Variants in CTNNA3 observed in about 807,000 individuals in gnomAD.
CTNNA3 encodes the protein catenin alpha-3.
CTNNA3 carries 76 observed loss-of-function variants against 95.7 expected under a neutral mutation model. The observed-to-expected ratio is 0.79, with a 90% CI of 0.66 to 0.96. CTNNA3 has a LOEUF of 0.96. Ranked by LOEUF, CTNNA3 falls within the 40% of genes least tolerant of loss-of-function variation. CTNNA3 has a pLI of 0.00. For missense variants in CTNNA3, 1,191 were observed against 1,089.8 expected (o/e 1.09, Z -1.31); for synonymous variants, 431 against 374.4 (o/e 1.15, Z -1.74).
chr10:67,536,471 CAG>C (rs1423781333), intron 4 of CTNNA3, among the ~76,000 whole-genome samples: 1 of 151,980 alleles, frequency 6.6e-6, no homozygotes, highest in East Asian at 1.9e-4. Context: ...TGCATATTAT[CAG>C]AGAGTCTTTC....
intron 17 of CTNNA3, among the ~76,000 whole-genome samples, chr10:65,932,221 G>A (rs1171877886): frequency 2.6e-5 from 4 of 152,166 alleles, no homozygotes; most frequent in Admixed American, 2.0e-4. Flanking sequence ...GTTGTCAGAA[G>A]GACAGAACGT....
intron 11 of CTNNA3, among the ~76,000 whole-genome samples, chr10:66,434,528 C>T (rs7478398): frequency 0.26 from 40,224 of 151,968 alleles, 5,476 homozygotes; most frequent in South Asian, 0.39. Context: ...TGCTTATCAG[C>T]CTAAGGAGAT....
chr10:67,396,421 T>C (rs1564623332), intron 5 of CTNNA3, among the ~76,000 whole-genome samples: 1 of 152,164 alleles, frequency 6.6e-6, no homozygotes, highest in Non-Finnish European at 1.5e-5. Context: ...ATTCCAGCTA[T>C]GTAATTTGAT....
intron 13 of CTNNA3, among the ~76,000 whole-genome samples, chr10:66,263,121 A>G (rs1413262356): frequency 3.3e-5 from 5 of 152,052 alleles, no homozygotes; most frequent in African/African-American, 1.2e-4. Flanking sequence ...CTGTCTTTAC[A>G]TTAGAGAAAG....
At chr10:67,143,443 A>AAAAAAAAAAAAAAAAAAAAAAAAAAC in intron 7 of CTNNA3, among the ~76,000 whole-genome samples, 1 of 150,848 alleles carries the variant, frequency 6.6e-6, no homozygotes, top group Non-Finnish European at 1.5e-5. Context: ...AAAAAAAAAA[A>AAAAAAAAAAAAAAAAAAAAAAAAAAC]AAAATTATCT....
At chr10:67,117,375 T>A (rs1037411844) in intron 7 of CTNNA3, among the ~76,000 whole-genome samples, 2 of 152,054 alleles carry the variant, frequency 1.3e-5, no homozygotes, top group South Asian at 4.1e-4. Context: ...ACATTCCATC[T>A]CCTTTCCCTT....
intron 7 of CTNNA3, among the ~76,000 whole-genome samples, chr10:66,973,379 A>G (rs1452467891): frequency 6.6e-6 from 1 of 152,202 alleles, no homozygotes; most frequent in South Asian, 2.1e-4. Context: ...TGAATTCTCA[A>G]TAATTTGTAT....
At chr10:66,908,385 CA>C (rs1339016056) in intron 7 of CTNNA3, among the ~76,000 whole-genome samples, 3 of 152,144 alleles carry the variant, frequency 2.0e-5, no homozygotes, top group Admixed American at 6.5e-5. Flanking sequence ...TTCTTTCAGT[CA>C]AGTTAGGGTA....
At chr10:67,054,634 T>G (rs1855313302) in intron 7 of CTNNA3, 1 of 152,176 alleles carries the variant, frequency 6.6e-6, no homozygotes, top group Non-Finnish European at 1.5e-5. Context: ...TGATGCAGTA[T>G]TTCCAATGGC....
chr10:67,555,550 CTGTT>C (rs1440881360), intron 3 of CTNNA3, among the ~76,000 whole-genome samples: 3 of 152,122 alleles, frequency 2.0e-5, no homozygotes, highest in Non-Finnish European at 4.4e-5. Context: ...ATTTAGCTCT[CTGTT>C]TGTCTGTTAT....
chr10:67,747,623 T>G (rs965649169), intron 1 of CTNNA3, among the ~76,000 whole-genome samples: 1 of 152,020 alleles, frequency 6.6e-6, no homozygotes, highest in Non-Finnish European at 1.5e-5. Flanking sequence ...GCCTCAAAGA[T>G]CGAAACTAGA....
chr10:67,476,919 C>G (rs1453191741), intron 5 of CTNNA3, among the ~76,000 whole-genome samples: 1 of 151,782 alleles, frequency 6.6e-6, no homozygotes, highest in Non-Finnish European at 1.5e-5. Context: ...TTCAGAGTAC[C>G]TGCTCACCTA....
At chr10:66,091,107 T>C (rs1057404889) in intron 14 of CTNNA3, among the ~76,000 whole-genome samples, 1 of 151,924 alleles carries the variant, frequency 6.6e-6, no homozygotes, top group African/African-American at 2.4e-5. Context: ...ACAATATGTA[T>C]ACATGTTCAA....
intron 1 of CTNNA3, chr10:67,750,825 G>C: frequency 6.2e-7 from 1 of 1,610,604 alleles, no homozygotes; most frequent in Admixed American, 1.7e-5. Context: ...ATAAACCAGT[G>C]ACTAACCAGG....
intron 11 of CTNNA3, among the ~76,000 whole-genome samples, chr10:66,516,048 T>A (rs1460494845): frequency 7.5e-6 from 1 of 134,178 alleles, no homozygotes; most frequent in Non-Finnish European, 1.6e-5. Flanking sequence ...CTATTCAAAC[T>A]ATGATTAATT....
intron 15 of CTNNA3, among the ~76,000 whole-genome samples, chr10:66,054,670 T>C (rs1019511573): frequency 6.6e-6 from 1 of 152,146 alleles, no homozygotes; most frequent in African/African-American, 2.4e-5. Flanking sequence ...ATCCCGTGGG[T>C]TGGCTTTTCA....
chr10:66,946,069 A>G (rs767212246), intron 7 of CTNNA3, among the ~76,000 whole-genome samples: 1 of 152,216 alleles, frequency 6.6e-6, no homozygotes, highest in Non-Finnish European at 1.5e-5. Flanking sequence ...AAATGAGCAC[A>G]TGCTGTTGAA....
chr10:67,254,934 A>C (rs2132370838), intron 5 of CTNNA3, among the ~76,000 whole-genome samples: 1 of 152,342 alleles, frequency 6.6e-6, no homozygotes, highest in East Asian at 1.9e-4. Context: ...CTGTTTATCA[A>C]ATGAAAGGCC....
At chr10:66,710,937 T>C (rs1282168024) in intron 9 of CTNNA3, among the ~76,000 whole-genome samples, 2 of 152,066 alleles carry the variant, frequency 1.3e-5, no homozygotes, top group Non-Finnish European at 2.9e-5. Context: ...TTTCTATCTA[T>C]AAAACATCTT....
Sources: allele counts gnomAD v4.1 joint callset (sites outside exome capture counted in the v4.1 genomes callset), GRCh38; gene constraint gnomAD v4.1.1; transcripts MANE v1.5; gene names NCBI Gene and HGNC (gene_info 2026-07-23, HGNC 2026-07-21).